PRCP: variants seen among roughly 807,000 people sequenced by gnomAD.
PRCP encodes the protein prolylcarboxypeptidase.
PRCP carries 46 observed loss-of-function variants against 54.2 expected under a neutral mutation model. That is an observed-to-expected ratio of 0.85 (90% CI 0.67 to 1.09). The LOEUF (loss-of-function observed/expected upper bound fraction) is 1.09. Ranked by LOEUF, PRCP falls within the 50% of genes least tolerant of loss-of-function variation. The pLI is 0.00. For synonymous variants in PRCP, 240 were observed against 212.2 expected, an observed-to-expected ratio of 1.13 and a Z score of -1.14; for missense variants, 613 against 596.8, an observed-to-expected ratio of 1.03 and a Z score of -0.28.
intron 8 of PRCP, chr11:82,835,962 T>G: frequency 6.9e-6 from 2 of 289,274 alleles, no homozygotes; most frequent in South Asian, 3.4e-5. Context: ...GGAGGCCGAG[T>G]CAGGTGGATC....
At chr11:82,875,297 G>A (rs1035792840) in intron 1 of PRCP, among the ~76,000 whole-genome samples, 1 of 152,190 alleles carries the variant, frequency 6.6e-6, no homozygotes, top group Non-Finnish European at 1.5e-5. Flanking sequence ...AGTTGAACTG[G>A]AAGAACTGAG....
chr11:82,897,923 A>G (rs1475857125), intron 1 of PRCP, among the ~76,000 whole-genome samples: 2 of 152,214 alleles, frequency 1.3e-5, no homozygotes, highest in Non-Finnish European at 2.9e-5. Context: ...AAATCATTAT[A>G]AAGTTTAATA....
intron 8 of PRCP, among the ~76,000 whole-genome samples, chr11:82,837,431 G>T (rs988571079): frequency 5.3e-5 from 8 of 152,226 alleles, no homozygotes; most frequent in African/African-American, 1.9e-4. Flanking sequence ...AACTGTCAGA[G>T]AAATGCGACA....
chr11:82,868,747 C>T lies in PRCP; in HGVS notation c.169-8630G>A, dbSNP rs78095184. ...GGAAGACATGGGAGATGAGATTAGA[C>T]TCACTGGGCTGCCACAATGGCTCAC... On this transcript the variant is annotated intron_variant, in intron 1 of 8. Coordinates refer to ENST00000313010, the MANE Select transcript of PRCP (RefSeq NM_005040.4). Among the ~76,000 whole-genome samples, 507 of 152,180 alleles carry T rather than the reference C, an allele frequency of 3.3e-3. 1 individual carries two copies. Among genetic ancestry groups the T allele is most frequent in the African/African-American group, 0.011 (464 of 41,532 alleles).
chr11:82,897,069 A>AAG (rs1860134734), intron 1 of PRCP, among the ~76,000 whole-genome samples: 1 of 152,166 alleles, frequency 6.6e-6, no homozygotes, highest in Admixed American at 6.5e-5. Flanking sequence ...TTGTAACCAC[A>AAG]AGCCACATAT....
intron 1 of PRCP, among the ~76,000 whole-genome samples, chr11:82,865,976 C>T (rs1435757324): frequency 1.3e-5 from 2 of 152,172 alleles, no homozygotes; most frequent in African/African-American, 2.4e-5. Flanking sequence ...GGAGTGGATT[C>T]CTACTAAGTT....
chr11:82,880,625 C>A (rs1859724856), intron 1 of PRCP, among the ~76,000 whole-genome samples: 1 of 152,192 alleles, frequency 6.6e-6, no homozygotes, highest in Non-Finnish European at 1.5e-5. Context: ...GAGCTGTAGA[C>A]TGGAGCTGTT....
intron 8 of PRCP, chr11:82,825,884 A>C (rs1293336472): frequency 1.3e-5 from 2 of 152,248 alleles, no homozygotes; most frequent in African/African-American, 4.8e-5. Context: ...TCAGTCACTG[A>C]AACTGAGTAT....
chr11:82,831,814 G>A (rs556350456), intron 8 of PRCP, among the ~76,000 whole-genome samples: 8 of 152,084 alleles, frequency 5.3e-5, no homozygotes, highest in African/African-American at 1.9e-4. Flanking sequence ...GTGGTTTGCT[G>A]CAGGCATCAA....
At chr11:82,859,646 A>T (rs990945660) in intron 2 of PRCP, among the ~76,000 whole-genome samples, 1 of 151,864 alleles carries the variant, frequency 6.6e-6, no homozygotes, top group Non-Finnish European at 1.5e-5. Flanking sequence ...GCAAAATTCA[A>T]TTCTCTGGGA....
rs1202614937 is a variant in PRCP, at chr11:82,849,226, T to C, written c.752-8A>G. 1.4e-5 allele frequency: 23 copies of C among 1,613,644 alleles called. No homozygotes were observed. Among genetic ancestry groups the C allele is most frequent in the Non-Finnish European group, 1.9e-5 (23 of 1,179,768 alleles). On this transcript the variant is annotated splice_polypyrimidine_tract_variant and splice_region_variant and intron_variant, in intron 5 of 8. Transcript: ENST00000313010. ...GCCACTGCAAACCACTGCCTGGGAA[T>C]AGAATCACACTGTTGGAATCTAAAA... is the stretch of plus-strand genomic sequence containing the variant.
chr11:82,900,497 G>A (rs913898810), upstream of PRCP: 293 of 1,468,770 alleles, frequency 2.0e-4, no homozygotes, highest in Non-Finnish European at 2.6e-4. Flanking sequence ...AGCTCCGCCC[G>A]CCGCAAAACA....
At chr11:82,853,524 C>A (rs559538108) in intron 2 of PRCP, among the ~76,000 whole-genome samples, 2 of 152,304 alleles carry the variant, frequency 1.3e-5, no homozygotes, top group South Asian at 4.1e-4. Flanking sequence ...TAGTCATCCA[C>A]GTCTTTTTAT....
At chr11:82,897,834 T>G (rs1377721237) in intron 1 of PRCP, among the ~76,000 whole-genome samples, 1 of 152,168 alleles carries the variant, frequency 6.6e-6, no homozygotes, top group African/African-American at 2.4e-5. Flanking sequence ...TAGAGACCAC[T>G]CCATAAAACC....
In PRCP at chr11:82,843,909, A is replaced by C. The variant is rs918795806; in HGVS notation, c.922-4484T>G. On this transcript the variant is annotated intron_variant, in intron 6 of 8. Transcript: ENST00000313010. The stretch of plus-strand genomic sequence containing the variant: ...AAACCATGAATGCAAGAAGCGTATG[A>C]TTGGGTTTTCATGCTCACGTGTGAA... Among the ~76,000 whole-genome samples, 8 of 149,768 alleles carry C rather than the reference A, an allele frequency of 5.3e-5. No individual in the cohort carries two copies. In the East Asian group the frequency reaches 1.6e-3, roughly 30 times the overall value.
chr11:82,882,875 A>ACACACACT (rs71274460), intron 1 of PRCP, among the ~76,000 whole-genome samples: 59 of 149,224 alleles, frequency 4.0e-4, no homozygotes, highest in African/African-American at 1.3e-3. Context: ...ACACACACAC[A>ACACACACT]GCCCTACTGC....
intron 1 of PRCP, among the ~76,000 whole-genome samples, chr11:82,899,270 T>G (rs557929364): frequency 2.5e-4 from 38 of 152,306 alleles, no homozygotes; most frequent in Admixed American, 2.6e-4. Context: ...CCAGATACTC[T>G]GCTAAGAGTA....
intron 2 of PRCP, among the ~76,000 whole-genome samples, chr11:82,855,588 G>T (rs533278974): frequency 6.6e-6 from 1 of 152,020 alleles, no homozygotes. Context: ...CACTGCACTC[G>T]AGCCTGGGCA....
chr11:82,901,358 CTCCGCCCGTGGGTAG>C, upstream of PRCP: 1 of 217,736 alleles, frequency 4.6e-6, no homozygotes, highest in Non-Finnish European at 9.6e-6. Context: ...CCCTTCCTCC[CTCCGCCCGTGGGTAG>C]TGCTAGCCCC....
Sources: allele counts gnomAD v4.1 joint callset (sites outside exome capture counted in the v4.1 genomes callset), GRCh38; gene constraint gnomAD v4.1.1; transcripts MANE v1.5; gene names NCBI Gene and HGNC (gene_info 2026-07-23, HGNC 2026-07-21).